Variants in MNX1 observed in about 807,000 individuals in gnomAD.
MNX1 encodes the protein motor neuron and pancreas homeobox protein 1.
Under a neutral mutation model 17.3 loss-of-function variants are expected in MNX1, and 2 were observed. The ratio of observed to expected loss-of-function variants is 0.12; its 90% CI spans 0.05 to 0.36. The LOEUF is 0.36. MNX1 is among the 10% of genes least tolerant of loss of function. The pLI, the probability that MNX1 is intolerant of heterozygous loss-of-function variation, is 1.00. For missense variants in MNX1, 556 were observed against 564.7 expected, an observed-to-expected ratio of 0.98 and a Z score of 0.16; for synonymous variants, 306 against 283.1, an observed-to-expected ratio of 1.08 and a Z score of -0.81.
Position 157,005,803 on chromosome 7 carries a change from T to G in MNX1, c.923A>C (p.Gln308Pro). The G allele has an allele frequency of 6.2e-7, 1 of 1,611,938 alleles. No individual in the cohort carries two copies. Among genetic ancestry groups the G allele is most frequent in the Non-Finnish European group, 8.5e-7 (1 of 1,179,762 alleles). The stretch of plus-strand genomic sequence containing the variant: ...GCCGCCCTTCTGTTTCTCCGCTTCC[T>G]GCGCCGCCTGCTCTTTGGCCTTTTT... ...RSKKAKEQAA[Q>P]EAEKQKGGGG... Residue 308 changes from glutamine (Q) to proline (P), a missense_variant, in exon 3 of 3, where the codon CAG (glutamine) becomes CCG (proline). Physicochemically the swap from Gln to Pro is moderately conservative, Grantham distance 76. Around this residue, in one of 7 missense-constraint regions of MNX1, gnomAD observed 178 missense variants for 155.2 expected, o/e 1.15. Transcript: ENST00000252971.
chr7:157,008,979 T>C, intron 1 of MNX1: 2 of 1,535,808 alleles, frequency 1.3e-6, no homozygotes, highest in Non-Finnish European at 1.7e-6. Context: ...CGGCCCCACC[T>C]TGGAGGGGCA....
Position 157,010,425 on chromosome 7 carries a change from G to A in MNX1, c.-75C>T. 1 of 1,226,406 alleles carries A rather than the reference G, an allele frequency of 8.2e-7. No individual in the cohort carries two copies. The highest frequency in any genetic ancestry group is 1.1e-6 in the Non-Finnish European group (1 of 877,040). 76.0% of individuals were successfully genotyped at this position (1,226,406 alleles called of 1,614,324 possible). ...GTGTGCGGGCTCGCGGAGTCAGTGC[G>A]TGCGGTGCAAGCCCGGGGGCTCGGT... On this transcript the variant is annotated 5_prime_UTR_variant, in exon 1 of 3. The change creates a new upstream start codon in the 5' untranslated region. Coordinates refer to ENST00000252971, the MANE Select transcript of MNX1 (RefSeq NM_005515.4).
chr7:157,009,168 C>T, intron 1 of MNX1: 6 of 1,482,236 alleles, frequency 4.0e-6, no homozygotes, highest in South Asian at 1.3e-5. Flanking sequence ...GGCCTTGCCT[C>T]CCCGGGCCTC....
rs1226765406 is a variant in MNX1 at position 157,005,174 on chromosome 7, G to A, written c.*346C>T. The A allele has an allele frequency of 4.2e-6, 1 of 235,828 alleles. No individual in the cohort carries two copies. The highest frequency in any genetic ancestry group is 5.6e-5 in the Admixed American group (1 of 17,856). The allele number at this position is 235,828 out of a possible 1,614,324, so 14.6% of individuals were successfully genotyped here. A position where few individuals can be genotyped will look rare whatever the true frequency, so the allele number is the denominator to read the frequency against. On this transcript the variant is annotated 3_prime_UTR_variant, in exon 3 of 3. Transcript: ENST00000252971. ...GACGCGGGGAAAGGGGAGACAGGAG[G>A]CTTCCCCTTGCGCGGGGTGGGTCGG...
chr7:157,006,922 T>C lies in MNX1; in HGVS notation c.692-283A>G, dbSNP rs576346686. ...TTAAACAGGGCCCATCGCAGGAGGC[T>C]TCCTCTCCACAGGAGCCGGCTTTGG... On this transcript the variant is annotated intron_variant, in intron 1 of 2. Coordinates refer to ENST00000252971, the MANE Select transcript of MNX1 (RefSeq NM_005515.4). This position sits in a 1 kb window ranked among gnomAD's most constrained non-coding sequence, Gnocchi z 6.3. The C allele has an allele frequency of 9.6e-5, 28 of 291,012 alleles. No homozygotes were observed. In the East Asian group the frequency reaches 1.8e-3, roughly 19 times the overall value. The allele number at this position is 291,012 out of a possible 1,614,324, so 18.0% of individuals were successfully genotyped here. A position where few individuals can be genotyped will look rare whatever the true frequency, so the allele number is the denominator to read the frequency against.
intron 1 of MNX1, chr7:157,008,948 T>A: frequency 6.6e-7 from 1 of 1,523,782 alleles, no homozygotes; most frequent in South Asian, 1.2e-5. Context: ...GGCTCTGGGG[T>A]GGGGAGAACA....
chr7:157,008,937 C>A, intron 1 of MNX1: 1 of 1,497,002 alleles, frequency 6.7e-7, no homozygotes, highest in Non-Finnish European at 9.0e-7. Flanking sequence ...CGAAGCCCAG[C>A]GGCTCTGGGG....
Position 157,009,967 on chromosome 7 carries a change from G to T in MNX1, c.384C>A (p.Ala128=). 1 of 965,212 alleles carries T rather than the reference G, an allele frequency of 1.0e-6. No individual in the cohort carries two copies. The highest frequency in any genetic ancestry group is 1.2e-6 in the Non-Finnish European group (1 of 824,662). 59.8% of individuals were successfully genotyped at this position (965,212 alleles called of 1,614,324 possible). The stretch of plus-strand genomic sequence containing the variant: ...GGCCCCCAGCGGCGGCGGCGGCGGC[G>T]GCGGCGGCGGCAGCGGCCGCTGCGC... ...HPGAAAAAAA[A]AAAAAAGGLA... The change falls in exon 1 of 3, where the codon GCC becomes GCA. Residue 128 remains alanine, a synonymous_variant. Transcript: ENST00000252971.
intron 1 of MNX1, chr7:157,007,552 CATT>C (rs1342709409): frequency 6.6e-6 from 1 of 152,246 alleles, no homozygotes; most frequent in Non-Finnish European, 1.5e-5. Flanking sequence ...GGACAATTCT[CATT>C]ACGCAAATTA....
At chr7:157,009,139 C>T (rs1021823636) in intron 1 of MNX1, 115 of 1,525,520 alleles carry the variant, frequency 7.5e-5, no homozygotes, top group Admixed American at 4.0e-5. Flanking sequence ...TGGTAAGAGC[C>T]GGGGGTTCCC....
chr7:157,010,439 C>CG lies in MNX1; in HGVS notation c.-90dup. 1.1e-6 allele frequency: 1 copy of CG among 950,874 alleles called. No homozygotes were observed. Among genetic ancestry groups the CG allele is most frequent in the Non-Finnish European group, 1.5e-6 (1 of 660,494 alleles). 58.9% of individuals were successfully genotyped at this position (950,874 alleles called of 1,614,324 possible). A position where few individuals can be genotyped will look rare whatever the true frequency, so the allele number is the denominator to read the frequency against. ...GGAGTCAGTGCGTGCGGTGCAAGCC[C>CG]GGGGGCTCGGTATTGTTATGGTGGT... On this transcript the variant is annotated 5_prime_UTR_variant, in exon 1 of 3. Transcript: ENST00000252971.
chr7:157,009,176 C>A, intron 1 of MNX1: 1 of 1,474,062 alleles, frequency 6.8e-7, no homozygotes, highest in Non-Finnish European at 9.0e-7. Flanking sequence ...CTCCCCGGGC[C>A]TCCGAAGCCC....
In MNX1 at chr7:157,010,388, G is replaced by A. The variant is rs1805693674; in HGVS notation, c.-38C>T. On this transcript the variant is annotated 5_prime_UTR_variant, in exon 1 of 3. Transcript: ENST00000252971. Reference sequence around the variant, plus strand: ...GGCTGGCGCTCAGGGCCCGGTGGCGGGCGACGCGGCCGTGTGCGGGCTCGC... The same window carrying A: ...GGCTGGCGCTCAGGGCCCGGTGGCGAGCGACGCGGCCGTGTGCGGGCTCGC... 1 of 1,537,356 alleles carries A rather than the reference G, an allele frequency of 6.5e-7. No homozygotes were observed. The highest frequency in any genetic ancestry group is 8.8e-7 in the Non-Finnish European group (1 of 1,134,184).
chr7:157,006,853 A>ATTTTTTTTTTTTTTTTTTTT lies in MNX1; in HGVS notation c.692-215_692-214insAAAAAAAAAAAAAAAAAAAA, dbSNP rs373662349. On this transcript the variant is annotated intron_variant, in intron 1 of 2. Transcript: ENST00000252971. The surrounding 1 kb of genome is among the most constrained non-coding windows in gnomAD (Gnocchi z 6.3). Reference sequence around the variant, plus strand: ...GGATAGTTTGGAGTTAATGAGACCAATTTTTTTTTTTTTTTTTGTCTAGGA... The same window carrying ATTTTTTTTTTTTTTTTTTTT: ...GGATAGTTTGGAGTTAATGAGACCAATTTTTTTTTTTTTTTTTTTTTTTTTTTTTTTTTTTTTGTCTAGGA... 23 of 260,054 alleles carry ATTTTTTTTTTTTTTTTTTTT rather than the reference A, an allele frequency of 8.8e-5. 1 individual carries two copies. The highest frequency in any genetic ancestry group is 6.0e-4 in the African/African-American group (16 of 26,508). The allele number at this position is 260,054 out of a possible 1,614,324, so 16.1% of individuals were successfully genotyped here.
In MNX1 at chr7:157,009,147, C is replaced by T. The variant is rs1805659193; in HGVS notation, c.691+513G>A. The T allele has an allele frequency of 2.0e-6, 3 of 1,518,462 alleles. No homozygotes were observed. In the Admixed American group the frequency reaches 6.1e-5, roughly 31 times the overall value. 94.1% of individuals were successfully genotyped at this position (1,518,462 alleles called of 1,614,324 possible). A position where few individuals can be genotyped will look rare whatever the true frequency, so the allele number is the denominator to read the frequency against. On this transcript the variant is annotated intron_variant, in intron 1 of 2. Coordinates refer to ENST00000252971, the MANE Select transcript of MNX1 (RefSeq NM_005515.4). ...AGCGCCCTGGTAAGAGCCGGGGGTT[C>T]CCTGGGCCTTGGCCTTGCCTCCCCG...
chr7:157,008,161 G>C (rs1805638500), intron 1 of MNX1: 1 of 152,226 alleles, frequency 6.6e-6, no homozygotes, highest in South Asian at 2.1e-4. Context: ...TTTTCTGAGT[G>C]ACCCTGGGCT....
In MNX1 at chr7:157,009,947, C is replaced by CCAGCGG. The variant is rs1284358837; in HGVS notation, c.398_403dup (p.Ala133_Ala134dup). The CCAGCGG allele has an allele frequency of 1.5e-5, 8 of 534,912 alleles. No individual in the cohort carries two copies. The South Asian group carries it at 5.3e-4, about 36-fold the overall frequency. 33.1% of individuals were successfully genotyped at this position (534,912 alleles called of 1,614,324 possible). A position where few individuals can be genotyped will look rare whatever the true frequency, so the allele number is the denominator to read the frequency against. On this transcript the variant is annotated inframe_insertion, in exon 1 of 3. Transcript: ENST00000252971. ...AGGGTGCAGCCCCAGCGCCAGGCCC[C>CCAGCGG]CAGCGGCGGCGGCGGCGGCGGCGGC...
rs1175404096 is a variant in MNX1, at chr7:157,009,978, C to CGGCGGA, written c.372_373insTCCGCC (p.Ala124_Ala125insSerAla). On this transcript the variant is annotated inframe_insertion, in exon 1 of 3. Coordinates refer to ENST00000252971, the MANE Select transcript of MNX1 (RefSeq NM_005515.4). ...GCGGCGGCGGCGGCGGCGGCGGCGG[C>CGGCGGA]AGCGGCCGCTGCGCCCGGATGCGCG... is the stretch of plus-strand genomic sequence containing the variant. 1 of 982,148 alleles carries CGGCGGA rather than the reference C, an allele frequency of 1.0e-6. No individual in the cohort carries two copies. The highest frequency in any genetic ancestry group is 1.2e-6 in the Non-Finnish European group (1 of 830,748). The allele number at this position is 982,148 out of a possible 1,614,324, so 60.8% of individuals were successfully genotyped here.
rs2134847865 is a variant in MNX1 at position 157,010,438 on chromosome 7, C to G, written c.-88G>C. 9 of 985,116 alleles carry G rather than the reference C, an allele frequency of 9.1e-6. No homozygotes were observed. The South Asian group carries it at 1.7e-4, about 18-fold the overall frequency. The allele number at this position is 985,116 out of a possible 1,614,324, so 61.0% of individuals were successfully genotyped here. ...CGGAGTCAGTGCGTGCGGTGCAAGC[C>G]CGGGGGCTCGGTATTGTTATGGTGG... On this transcript the variant is annotated 5_prime_UTR_variant, in exon 1 of 3. Transcript: ENST00000252971.
Sources: gnomAD v4.1 joint callset for allele counts on GRCh38, gnomAD v4.1.1 for gene constraint, gnomAD v4.1.1 regional missense constraint, Gnocchi (gnomAD v3.1) non-coding constraint, MANE v1.5 for transcripts, NCBI Gene and HGNC (gene_info 2026-07-23, HGNC 2026-07-21) for gene names.